Variants in WWOX observed in about 807,000 individuals in gnomAD.
The protein encoded by WWOX is WW domain containing oxidoreductase.
In WWOX, 69 loss-of-function variants were observed where a neutral mutation model predicts 46.2. The observed-to-expected ratio is 1.49, with a 90% CI of 1.23 to 1.82. WWOX has a LOEUF of 1.82. Among genes scored for constraint, WWOX ranks in the 40% most tolerant of loss-of-function variants. The pLI is 0.00. For missense variants in WWOX, 919 were observed against 542.6 expected (o/e 1.69, Z -6.89); for synonymous variants, 359 against 202.6 (o/e 1.77, Z -6.56).
intron 5 of WWOX, among the ~76,000 whole-genome samples, chr16:78,227,307 C>G (rs1211422415): frequency 6.6e-6 from 1 of 152,084 alleles, no homozygotes; most frequent in Non-Finnish European, 1.5e-5. Flanking sequence ...ATCTTCTGAG[C>G]CAAGGCTTTA....
At chr16:78,458,286 G>A (rs1439640711) in intron 8 of WWOX, among the ~76,000 whole-genome samples, 2 of 147,542 alleles carry the variant, frequency 1.4e-5, no homozygotes, top group African/African-American at 2.5e-5. Context: ...TTTGATACAG[G>A]GTCTTACTGT....
intron 8 of WWOX, among the ~76,000 whole-genome samples, chr16:78,485,348 C>T (rs192531934): frequency 6.2e-4 from 95 of 152,044 alleles, no homozygotes; most frequent in African/African-American, 2.3e-3. Flanking sequence ...TTGGGCCTGC[C>T]CAGTGAGGTC....
chr16:78,257,534 C>G lies in WWOX; in HGVS notation c.516+93245C>G, dbSNP rs890952508. Reference sequence around the variant, plus strand: ...AATCACCAGCAAAATCTCACTCCTACAAGGAGAACCTGCAGGGAGCTCCGT... The same window carrying G: ...AATCACCAGCAAAATCTCACTCCTAGAAGGAGAACCTGCAGGGAGCTCCGT... On this transcript the variant is annotated intron_variant, in intron 5 of 8. Transcript: ENST00000566780. 3.9e-5 allele frequency among the ~76,000 whole-genome samples: 6 copies of G among 152,246 alleles called. No individual in the cohort carries two copies. The East Asian group carries it at 9.7e-4, about 25-fold the overall frequency.
chr16:78,811,836 G>A (rs1187192306), intron 8 of WWOX, among the ~76,000 whole-genome samples: 1 of 152,128 alleles, frequency 6.6e-6, no homozygotes, highest in African/African-American at 2.4e-5. Flanking sequence ...CAAACATTCA[G>A]TCCCTAACAC....
At chr16:78,152,028 A>G (rs1275431884) in intron 4 of WWOX, among the ~76,000 whole-genome samples, 1 of 152,110 alleles carries the variant, frequency 6.6e-6, no homozygotes, top group Non-Finnish European at 1.5e-5. Flanking sequence ...GTCTCTACTA[A>G]AAATACAAAA....
chr16:78,242,552 C>T (rs1013166548), intron 5 of WWOX, among the ~76,000 whole-genome samples: 4 of 152,130 alleles, frequency 2.6e-5, no homozygotes, highest in African/African-American at 9.7e-5. Context: ...AGACATAAAT[C>T]CTTGAGTGAG....
At chr16:78,870,181 T>C (rs1475145848) in intron 8 of WWOX, among the ~76,000 whole-genome samples, 1 of 152,172 alleles carries the variant, frequency 6.6e-6, no homozygotes, top group African/African-American at 2.4e-5. Context: ...AACCCTAAGA[T>C]CCTGGATGGC....
chr16:79,157,337 C>T (rs754970489), intron 8 of WWOX, among the ~76,000 whole-genome samples: 2 of 151,706 alleles, frequency 1.3e-5, no homozygotes, highest in African/African-American at 2.4e-5. Flanking sequence ...TTCTGGGCTT[C>T]ACTCTTAGCT....
At chr16:78,890,083 A>C (rs1285984388) in intron 8 of WWOX, 1 of 152,128 alleles carries the variant, frequency 6.6e-6, no homozygotes, top group Non-Finnish European at 1.5e-5. Flanking sequence ...TCCTAGGGAA[A>C]TACACATACA....
At chr16:78,941,060 C>G (rs1213852717) in intron 8 of WWOX, among the ~76,000 whole-genome samples, 2 of 152,000 alleles carry the variant, frequency 1.3e-5, no homozygotes, top group Non-Finnish European at 2.9e-5. Context: ...ATGAATTTCA[C>G]TGAAGTTTAT....
intron 4 of WWOX, among the ~76,000 whole-genome samples, chr16:78,134,077 T>G (rs887795963): frequency 6.6e-6 from 1 of 152,222 alleles, no homozygotes; most frequent in Non-Finnish European, 1.5e-5. Context: ...GTGTTTCTCA[T>G]GTTGGTTAGG....
chr16:78,491,616 C>G (rs2084787135), intron 8 of WWOX, among the ~76,000 whole-genome samples: 1 of 152,102 alleles, frequency 6.6e-6, no homozygotes, highest in Non-Finnish European at 1.5e-5. Context: ...TTGTGCGCTA[C>G]CACACCTGGC....
At chr16:78,929,784 C>A (rs952033906) in intron 8 of WWOX, among the ~76,000 whole-genome samples, 1 of 152,198 alleles carries the variant, frequency 6.6e-6, no homozygotes, top group Non-Finnish European at 1.5e-5. Context: ...TGACCAGAAT[C>A]TGACCTGGGG....
At chr16:78,595,008 T>C (rs1161632921) in intron 8 of WWOX, among the ~76,000 whole-genome samples, 2 of 152,186 alleles carry the variant, frequency 1.3e-5, no homozygotes, top group Non-Finnish European at 2.9e-5. Context: ...AAAAGGGACA[T>C]GGCCCAGGGA....
At chr16:79,109,065 G>A (rs548847280) in intron 8 of WWOX, among the ~76,000 whole-genome samples, 21 of 152,008 alleles carry the variant, frequency 1.4e-4, no homozygotes, top group Non-Finnish European at 2.8e-4. Flanking sequence ...CTTTGTGTCC[G>A]TGAGCATGTG....
intron 8 of WWOX, among the ~76,000 whole-genome samples, chr16:78,917,016 G>C (rs1259792228): frequency 1.3e-5 from 2 of 152,142 alleles, no homozygotes; most frequent in Non-Finnish European, 2.9e-5. Flanking sequence ...TTTGTGACAA[G>C]CTCACTCCTT....
At chr16:78,806,946 A>G (rs1242492771) in intron 8 of WWOX, among the ~76,000 whole-genome samples, 1 of 152,052 alleles carries the variant, frequency 6.6e-6, no homozygotes, top group East Asian at 1.9e-4. Flanking sequence ...TTTGAATCCT[A>G]CCTCTGCCTC....
chr16:78,583,137 G>A (rs2045104961), intron 8 of WWOX, among the ~76,000 whole-genome samples: 1 of 152,174 alleles, frequency 6.6e-6, no homozygotes, highest in Non-Finnish European at 1.5e-5. Context: ...CTTTGTCCTT[G>A]TGAGTCTCTT....
At chr16:78,617,263 G>A (rs551914715) in intron 8 of WWOX, among the ~76,000 whole-genome samples, 1 of 152,028 alleles carries the variant, frequency 6.6e-6, no homozygotes, top group Non-Finnish European at 1.5e-5. Flanking sequence ...TTAGGTGGGC[G>A]TGGTGGCGTG....
Sources: allele counts gnomAD v4.1 joint callset (sites outside exome capture counted in the v4.1 genomes callset), GRCh38; gene constraint gnomAD v4.1.1; transcripts MANE v1.5; gene names NCBI Gene and HGNC (gene_info 2026-07-23, HGNC 2026-07-21).